NT5E: variants seen among roughly 807,000 people sequenced by gnomAD.
NT5E encodes 5'-nucleotidase.
Under a neutral mutation model 55.1 loss-of-function variants are expected in NT5E, and 53 were observed. The ratio of observed to expected loss-of-function variants is 0.96; its 90% CI spans 0.77 to 1.21. NT5E has a LOEUF of 1.21. Ranked by LOEUF, NT5E falls within the 50% of genes most tolerant of loss-of-function variation. The pLI, the probability that NT5E is intolerant of heterozygous loss-of-function variation, is 0.00. For synonymous variants in NT5E, 270 were observed against 278.4 expected, an observed-to-expected ratio of 0.97 and a Z score of 0.30; for missense variants, 683 against 724.3, an observed-to-expected ratio of 0.94 and a Z score of 0.65.
intron 1 of NT5E, among the ~76,000 whole-genome samples, chr6:85,451,930 TC>T (rs779604049): frequency 1.4e-4 from 21 of 152,110 alleles, no homozygotes; most frequent in Non-Finnish European, 2.9e-4. Flanking sequence ...GGGAGAAAGC[TC>T]CCTCCGTTCT....
chr6:85,464,165 C>A (rs1582372467), intron 1 of NT5E, among the ~76,000 whole-genome samples: 1 of 145,840 alleles, frequency 6.9e-6, no homozygotes, highest in Non-Finnish European at 1.5e-5. Flanking sequence ...TGGAATCAAA[C>A]CGAAGTGGTT....
chr6:85,457,948 A>G (rs1769019735), intron 1 of NT5E, among the ~76,000 whole-genome samples: 1 of 152,178 alleles, frequency 6.6e-6, no homozygotes, highest in Non-Finnish European at 1.5e-5. Context: ...TCTAACACCC[A>G]TGCATGGGGA....
intron 4 of NT5E, among the ~76,000 whole-genome samples, chr6:85,485,818 T>A (rs1431163753): frequency 1.3e-5 from 2 of 152,242 alleles, no homozygotes; most frequent in Non-Finnish European, 2.9e-5. Flanking sequence ...CTTAGGCAAG[T>A]TGCCCAATCT....
Position 85,465,968 on chromosome 6 carries a change from G to A in NT5E, c.340-1092G>A, listed in dbSNP as rs147205899. Among the ~76,000 whole-genome samples the A allele has an allele frequency of 7.5e-4, 114 of 152,342 alleles. No individual in the cohort carries two copies. The East Asian group carries it at 8.3e-3, about 11-fold the overall frequency. On this transcript the variant is annotated intron_variant, in intron 1 of 8. Transcript: ENST00000257770. The stretch of plus-strand genomic sequence containing the variant: ...CCCACAAAGTGAAACGAAACTGGAT[G>A]TGGTATTTAGCAAGTCTGAGATTTG...
intron 2 of NT5E, among the ~76,000 whole-genome samples, chr6:85,470,064 T>C (rs1769272839): frequency 6.6e-6 from 1 of 152,214 alleles, no homozygotes; most frequent in African/African-American, 2.4e-5. Context: ...CCTTGTTTAG[T>C]GTTAGTTCTT....
chr6:85,457,658 T>C (rs530746411), intron 1 of NT5E, among the ~76,000 whole-genome samples: 4 of 152,258 alleles, frequency 2.6e-5, no homozygotes, highest in South Asian at 2.1e-4. Flanking sequence ...GTAACAGAAA[T>C]GATGGCCTGG....
intron 1 of NT5E, among the ~76,000 whole-genome samples, chr6:85,465,208 G>A (rs964144237): frequency 1.3e-5 from 2 of 152,180 alleles, no homozygotes; most frequent in African/African-American, 2.4e-5. Context: ...GCTCAAGTTA[G>A]GATGGGGAGG....
At chr6:85,451,837 TAA>T (rs749773176) in intron 1 of NT5E, among the ~76,000 whole-genome samples, 10 of 152,194 alleles carry the variant, frequency 6.6e-5, no homozygotes, top group Non-Finnish European at 1.0e-4. Flanking sequence ...GAAAAGATGA[TAA>T]GAGGGCACCA....
chr6:85,465,436 A>G (rs985082854), intron 1 of NT5E, among the ~76,000 whole-genome samples: 1 of 152,218 alleles, frequency 6.6e-6, no homozygotes, highest in African/African-American at 2.4e-5. Flanking sequence ...TAGGAAAAAA[A>G]TCATAACATT....
At position 85,494,119 on chromosome 6, in the gene NT5E, A is replaced by G; in HGVS notation, c.*115A>G. ...AAAAACCATCTTTACAGGCTCCTAG[A>G]AGCTGAAGGTTAGAGCATTATAAAA... On this transcript the variant is annotated 3_prime_UTR_variant, in exon 9 of 9. Transcript: ENST00000257770. 1 of 967,228 alleles carries G rather than the reference A, an allele frequency of 1.0e-6. No homozygotes were observed. Among genetic ancestry groups the G allele is most frequent in the East Asian group, 2.5e-5 (1 of 39,632 alleles). 59.9% of individuals were successfully genotyped at this position (967,228 alleles called of 1,614,324 possible). A position where few individuals can be genotyped will look rare whatever the true frequency, so the allele number is the denominator to read the frequency against.
intron 3 of NT5E, among the ~76,000 whole-genome samples, chr6:85,483,387 A>G (rs1428416463): frequency 2.0e-5 from 3 of 152,192 alleles, no homozygotes; most frequent in Non-Finnish European, 4.4e-5. Context: ...GGTTTGCCCA[A>G]AGGAGGACCA....
intron 1 of NT5E, among the ~76,000 whole-genome samples, chr6:85,462,698 G>A (rs886345471): frequency 6.6e-6 from 1 of 152,216 alleles, no homozygotes; most frequent in Non-Finnish European, 1.5e-5. Context: ...TCCACCTGCT[G>A]CTTTTAAATG....
At chr6:85,474,976 G>A (rs1769397229) in intron 3 of NT5E, among the ~76,000 whole-genome samples, 1 of 152,036 alleles carries the variant, frequency 6.6e-6, no homozygotes, top group Non-Finnish European at 1.5e-5. Flanking sequence ...GTAATTCCAG[G>A]ACACAATAGG....
At chr6:85,459,874 A>G (rs1019232188) in intron 1 of NT5E, among the ~76,000 whole-genome samples, 2 of 152,236 alleles carry the variant, frequency 1.3e-5, no homozygotes, top group African/African-American at 4.8e-5. Context: ...TGAATCAACG[A>G]TCAAAGAATG....
chr6:85,492,010 C>T lies in NT5E; in HGVS notation c.1394C>T (p.Pro465Leu), dbSNP rs1352847364. The T allele has an allele frequency of 1.9e-6, 3 of 1,614,030 alleles. No homozygotes were observed. Among genetic ancestry groups the T allele is most frequent in the Non-Finnish European group, 2.5e-6 (3 of 1,180,014 alleles). ...GTGGTGTATGATCTTTCCCGAAAAC[C>T]TGGAGACAGAGTAGTCAAATTAGAT... ...IHVVYDLSRK[P>L]GDRVVKLDVL... is the part of the protein sequence containing the mutation. The change falls in exon 8 of 9, where the codon CCT (proline) becomes CTT (leucine). Residue 465 changes from proline to leucine, a missense_variant. Pro to Leu is a moderately conservative substitution (Grantham distance 98). Coordinates refer to ENST00000257770, the MANE Select transcript of NT5E (RefSeq NM_002526.4).
At position 85,467,144 on chromosome 6, in the gene NT5E, G is replaced by A. The variant is rs1372902946; in HGVS notation, c.424G>A (p.Ala142Thr). ...AGAGGCCAAATTTCCAATTCTGAGT[G>A]CAAACATTAAAGCAAAGGGGCCACT... ...LKEAKFPILS[A>T]NIKAKGPLAS... The change falls in exon 2 of 9, where the codon GCA becomes ACA. Residue 142 changes from alanine to threonine, a missense_variant. By Grantham distance (58) the Ala-to-Thr change is moderately conservative (BLOSUM62 0). Transcript: ENST00000257770. The A allele has an allele frequency of 1.9e-6, 3 of 1,614,016 alleles. No individual in the cohort carries two copies. The African/African-American group carries it at 4.0e-5, about 22-fold the overall frequency.
chr6:85,466,608 G>A (rs1769199164), intron 1 of NT5E, among the ~76,000 whole-genome samples: 1 of 152,190 alleles, frequency 6.6e-6, no homozygotes, highest in South Asian at 2.1e-4. Context: ...TGAGGAAGGA[G>A]GCCTTTGGTC....
At chr6:85,469,057 G>A (rs1349099823) in intron 2 of NT5E, among the ~76,000 whole-genome samples, 1 of 152,182 alleles carries the variant, frequency 6.6e-6, no homozygotes, top group African/African-American at 2.4e-5. Flanking sequence ...CCCTAATCAA[G>A]CCCAGTTCTC....
intron 1 of NT5E, among the ~76,000 whole-genome samples, chr6:85,453,421 GATT>G (rs1182112012): frequency 1.3e-5 from 2 of 152,182 alleles, no homozygotes; most frequent in East Asian, 3.9e-4. Flanking sequence ...TTGTGCATCA[GATT>G]ATCTGATTCT....
Sources: gnomAD v4.1 joint callset for allele counts (sites outside exome capture counted in the v4.1 genomes callset) on GRCh38, gnomAD v4.1.1 for gene constraint, MANE v1.5 for transcripts, NCBI Gene and HGNC (gene_info 2026-07-23, HGNC 2026-07-21) for gene names.